The following BBS9 variants were observed in gnomAD, a reference collection of about 807,000 sequenced individuals.
The protein encoded by BBS9 is Bardet-Biedl syndrome 9, also known as protein PTHB1.
A neutral mutation model predicts 117.7 loss-of-function variants in BBS9; 89 were observed. The observed-to-expected ratio is 0.76, with a 90% CI of 0.64 to 0.90. BBS9 has a LOEUF of 0.90. Ranked by LOEUF, BBS9 falls within the 40% of genes least tolerant of loss-of-function variation. The pLI is 0.00. For synonymous variants in BBS9, 379 were observed against 370.9 expected, an observed-to-expected ratio of 1.02 and a Z score of -0.25; for missense variants, 982 against 1,042.2, an observed-to-expected ratio of 0.94 and a Z score of 0.80.
In BBS9 at chr7:33,591,866, C is replaced by CCATCAT. The variant is rs138958813; in HGVS notation, c.2522-12974_2522-12969dup. Among the ~76,000 whole-genome samples the CCATCAT allele has an allele frequency of 4.0e-3, 606 of 151,196 alleles. 4 individuals carry two copies. Among genetic ancestry groups the CCATCAT allele is most frequent in the South Asian group, 0.012 (59 of 4,790 alleles). On this transcript the variant is annotated intron_variant, in intron 21 of 22. Coordinates refer to ENST00000242067, the MANE Select transcript of BBS9 (RefSeq NM_198428.3). ...GATTATGTACCCCTGGCCGTCGTCGCCATCATCATCATCATCATCATCATC... is the reference window on the plus strand; with the variant it reads ...GATTATGTACCCCTGGCCGTCGTCGCCATCATCATCATCATCATCATCATCATCATC...
At chr7:33,414,767 A>G (rs956354751) in intron 19 of BBS9, among the ~76,000 whole-genome samples, 19 of 152,180 alleles carry the variant, frequency 1.2e-4, no homozygotes, top group African/African-American at 4.6e-4. Context: ...TAAAGCTTGA[A>G]ACATTCATGA....
At chr7:33,131,765 A>T (rs1052896092) in intron 1 of BBS9, among the ~76,000 whole-genome samples, 13 of 152,322 alleles carry the variant, frequency 8.5e-5, no homozygotes, top group South Asian at 2.1e-4. Context: ...GTCTTTGCCG[A>T]GCATGGCAGA....
chr7:33,628,135 C>T (rs562394713), intron 21 of BBS9, among the ~76,000 whole-genome samples: 10 of 152,138 alleles, frequency 6.6e-5, no homozygotes, highest in Admixed American at 2.0e-4. Flanking sequence ...TCAGAAAACA[C>T]GTCAGAGGAA....
At chr7:33,342,743 T>C (rs1268791272) in intron 11 of BBS9, among the ~76,000 whole-genome samples, 3 of 152,152 alleles carry the variant, frequency 2.0e-5, no homozygotes, top group Non-Finnish European at 4.4e-5. Context: ...TTGCTATAGT[T>C]TTATGTTCCC....
chr7:33,541,535 A>G (rs1481811572), intron 21 of BBS9, among the ~76,000 whole-genome samples: 2 of 152,250 alleles, frequency 1.3e-5, no homozygotes, highest in African/African-American at 4.8e-5. Flanking sequence ...ATAGCCAAAA[A>G]GTGGAAATAA....
At chr7:33,201,918 G>C (rs1785937469) in intron 5 of BBS9, among the ~76,000 whole-genome samples, 1 of 152,144 alleles carries the variant, frequency 6.6e-6, no homozygotes, top group Non-Finnish European at 1.5e-5. Context: ...AAAAGGAAAG[G>C]GGGTCAGAAT....
intron 20 of BBS9, among the ~76,000 whole-genome samples, chr7:33,529,900 T>G (rs1850303459): frequency 6.6e-6 from 1 of 152,194 alleles, no homozygotes; most frequent in South Asian, 2.1e-4. Context: ...ATGTAGTATG[T>G]GTATGTATTT....
At chr7:33,619,321 T>C (rs1865293512) in intron 21 of BBS9, among the ~76,000 whole-genome samples, 1 of 152,184 alleles carries the variant, frequency 6.6e-6, no homozygotes. Context: ...ATTGTAAATA[T>C]GTATTTGCCC....
intron 9 of BBS9, among the ~76,000 whole-genome samples, chr7:33,298,815 T>C (rs1376364474): frequency 6.6e-6 from 1 of 152,202 alleles, no homozygotes; most frequent in Non-Finnish European, 1.5e-5. Context: ...GCCTGGAAGA[T>C]CAAGGACTTG....
chr7:33,354,031 T>C (rs1023483046), intron 15 of BBS9, among the ~76,000 whole-genome samples: 5 of 152,078 alleles, frequency 3.3e-5, no homozygotes, highest in African/African-American at 1.2e-4. Flanking sequence ...AAAAAATCAG[T>C]TAAGGTTATT....
chr7:33,205,530 G>A (rs906375432), intron 5 of BBS9, among the ~76,000 whole-genome samples: 2 of 152,122 alleles, frequency 1.3e-5, no homozygotes, highest in African/African-American at 4.8e-5. Context: ...ATACCCCTAA[G>A]TGGGAAACCG....
rs1835772464 is a variant in BBS9, at chr7:33,439,249, G to T, written c.2115+51105G>T. On this transcript the variant is annotated intron_variant, in intron 19 of 22. Coordinates refer to ENST00000242067, the MANE Select transcript of BBS9 (RefSeq NM_198428.3). The stretch of plus-strand genomic sequence containing the variant: ...TATTTGCTCTCTCCTTTTGGAATCA[G>T]TTTATTTCTTGCAAGAATTATCTCA... Among the ~76,000 whole-genome samples the T allele has an allele frequency of 2.6e-5, 4 of 152,212 alleles. No individual in the cohort carries two copies. The South Asian group carries it at 6.2e-4, about 24-fold the overall frequency.
intron 9 of BBS9, among the ~76,000 whole-genome samples, chr7:33,306,085 A>G (rs1044486371): frequency 2.0e-5 from 3 of 151,808 alleles, no homozygotes; most frequent in African/African-American, 7.3e-5. Context: ...AGATTTTGGT[A>G]TGTTGTGTTT....
At chr7:33,406,628 T>C (rs1490205437) in intron 19 of BBS9, among the ~76,000 whole-genome samples, 1 of 152,160 alleles carries the variant, frequency 6.6e-6, no homozygotes. Context: ...AGGGCAGGCC[T>C]GGTGGTGACA....
chr7:33,319,419 G>A (rs1455039083), intron 9 of BBS9, among the ~76,000 whole-genome samples: 5 of 152,118 alleles, frequency 3.3e-5, no homozygotes, highest in African/African-American at 2.4e-5. Flanking sequence ...CTAGTAGTGG[G>A]ATTGCTGGAT....
intron 21 of BBS9, among the ~76,000 whole-genome samples, chr7:33,540,213 A>T (rs1337826081): frequency 6.6e-6 from 1 of 152,200 alleles, no homozygotes. Flanking sequence ...TAGTGTTGGA[A>T]ACTGGCCAAC....
chr7:33,551,579 A>T (rs549192278), intron 21 of BBS9, among the ~76,000 whole-genome samples: 1 of 152,292 alleles, frequency 6.6e-6, no homozygotes, highest in South Asian at 2.1e-4. Context: ...TGAGACCCCA[A>T]GGTGAAATTT....
chr7:33,320,854 C>T (rs1811565703), intron 9 of BBS9, among the ~76,000 whole-genome samples: 1 of 151,742 alleles, frequency 6.6e-6, no homozygotes, highest in South Asian at 2.1e-4. Context: ...GTAGTAGTTT[C>T]ATAGTTTGAG....
intron 19 of BBS9, among the ~76,000 whole-genome samples, chr7:33,415,511 C>T (rs1831848366): frequency 1.3e-5 from 2 of 152,194 alleles, no homozygotes; most frequent in East Asian, 3.9e-4. Context: ...AGCCTAACCA[C>T]ACTATAAATT....
Sources: allele counts gnomAD v4.1 joint callset (sites outside exome capture counted in the v4.1 genomes callset), GRCh38; gene constraint gnomAD v4.1.1; transcripts MANE v1.5; gene names NCBI Gene and HGNC (gene_info 2026-07-23, HGNC 2026-07-21).